CNN3: variants seen among roughly 807,000 people sequenced by gnomAD.
CNN3 encodes the protein calponin-3.
In CNN3, 11 loss-of-function variants were observed where a neutral mutation model predicts 39.0. That is an observed-to-expected ratio of 0.28 (90% CI 0.18 to 0.47). CNN3 has a LOEUF of 0.47. Ranked by LOEUF, CNN3 falls within the 20% of genes least tolerant of loss-of-function variation. The pLI, the probability that CNN3 is intolerant of heterozygous loss-of-function variation, is 0.99. For synonymous variants in CNN3, 101 were observed against 138.3 expected (o/e 0.73, Z 1.89); for missense variants, 266 against 403.4 (o/e 0.66, Z 2.92).
At chr1:94,913,373 C>T (rs1186135405) in intron 1 of CNN3, among the ~76,000 whole-genome samples, 1 of 152,190 alleles carries the variant, frequency 6.6e-6, no homozygotes, top group Non-Finnish European at 1.5e-5. Context: ...CTGGAGAAGT[C>T]AATTTGACAA....
At chr1:94,904,759 C>A (rs1282540815) in intron 1 of CNN3, among the ~76,000 whole-genome samples, 4 of 149,678 alleles carry the variant, frequency 2.7e-5, no homozygotes, top group African/African-American at 9.8e-5. Flanking sequence ...GCCCCACTGC[C>A]AAAAAAAAAC....
intron 1 of CNN3, among the ~76,000 whole-genome samples, chr1:94,909,358 G>T (rs1671098965): frequency 6.6e-6 from 1 of 152,144 alleles, no homozygotes; most frequent in Non-Finnish European, 1.5e-5. Flanking sequence ...TCTAGCAAGG[G>T]ATAGGAGGTA....
chr1:94,926,722 G>T lies in CNN3; in HGVS notation c.57+116C>A, dbSNP rs2101747639. On this transcript the variant is annotated intron_variant, in intron 1 of 6. Coordinates refer to ENST00000370206, the MANE Select transcript of CNN3 (RefSeq NM_001839.5). This position sits in a 1 kb window ranked among gnomAD's most constrained non-coding sequence, Gnocchi z 4.2. ...CAGAGACGCTCGCGCCGCCTCGACG[G>T]CCCCTCTCCAGGAAAACGGTGAGCC... The T allele has an allele frequency of 8.5e-7, 1 of 1,176,606 alleles. No homozygotes were observed. Among genetic ancestry groups the T allele is most frequent in the Non-Finnish European group, 1.2e-6 (1 of 815,152 alleles). 72.9% of individuals were successfully genotyped at this position (1,176,606 alleles called of 1,614,324 possible).
chr1:94,900,173 A>T (rs9432613), intron 5 of CNN3, among the ~76,000 whole-genome samples: 25,139 of 152,136 alleles, frequency 0.17, 2,445 homozygotes, highest in African/African-American at 0.27. Context: ...TCCACTGGTT[A>T]GGCACACTTT....
chr1:94,909,605 A>ACCC (rs906537282), intron 1 of CNN3, among the ~76,000 whole-genome samples: 2 of 151,980 alleles, frequency 1.3e-5, no homozygotes, highest in African/African-American at 4.8e-5. Context: ...CAGAAACACA[A>ACCC]CCCCGAGGGC....
intron 3 of CNN3, among the ~76,000 whole-genome samples, chr1:94,902,692 A>C (rs1362184670): frequency 6.6e-6 from 1 of 152,198 alleles, no homozygotes; most frequent in Non-Finnish European, 1.5e-5. Context: ...CACATGTTCA[A>C]GACCAGTAAG....
intron 1 of CNN3, among the ~76,000 whole-genome samples, chr1:94,911,764 G>A (rs543574125): frequency 2.0e-5 from 3 of 152,072 alleles, no homozygotes; most frequent in East Asian, 3.9e-4. Flanking sequence ...GGGAGACCCT[G>A]TCTCAAAAAA....
At chr1:94,924,845 G>A (rs997182522) in intron 1 of CNN3, among the ~76,000 whole-genome samples, 3 of 152,174 alleles carry the variant, frequency 2.0e-5, no homozygotes, top group Non-Finnish European at 4.4e-5. Flanking sequence ...GGACTGCTCT[G>A]CTGTTAAGAT....
chr1:94,919,354 T>C (rs1246121281), intron 1 of CNN3, among the ~76,000 whole-genome samples: 2 of 152,190 alleles, frequency 1.3e-5, no homozygotes, highest in African/African-American at 2.4e-5. Flanking sequence ...GTACATATAA[T>C]TTCTACACTC....
At chr1:94,920,806 A>T (rs1671422813) in intron 1 of CNN3, among the ~76,000 whole-genome samples, 1 of 152,186 alleles carries the variant, frequency 6.6e-6, no homozygotes, top group African/African-American at 2.4e-5. Flanking sequence ...TTTTTGTAAA[A>T]CTTAAAAGAT....
Position 94,926,183 on chromosome 1 carries a change from T to C in CNN3, c.57+655A>G, listed in dbSNP as rs965849348. 2.0e-5 allele frequency among the ~76,000 whole-genome samples: 3 copies of C among 152,162 alleles called. No homozygotes were observed. The highest frequency in any genetic ancestry group is 4.4e-5 in the Non-Finnish European group (3 of 68,020). ...AAAAAGTCTCAAGCCTAAGCAGATA[T>C]CACTCGCACAGTGGCGCGCTCAGGC... On this transcript the variant is annotated intron_variant, in intron 1 of 6. Transcript: ENST00000370206. This position sits in a 1 kb window ranked among gnomAD's most constrained non-coding sequence, Gnocchi z 4.2.
At position 94,926,211 on chromosome 1, in the gene CNN3, T is replaced by C. The variant is rs1671574989; in HGVS notation, c.57+627A>G. ...CTCGCACAGTGGCGCGCTCAGGCTT[T>C]GTCTCCATTTCCCGCAAAAGCAACA... On this transcript the variant is annotated intron_variant, in intron 1 of 6. Transcript: ENST00000370206. The surrounding 1 kb of genome is among the most constrained non-coding windows in gnomAD (Gnocchi z 4.2). Among the ~76,000 whole-genome samples, 1 of 152,276 alleles carries C rather than the reference T, an allele frequency of 6.6e-6. No homozygotes were observed.
chr1:94,920,304 G>T (rs1027737377), intron 1 of CNN3, among the ~76,000 whole-genome samples: 3 of 152,194 alleles, frequency 2.0e-5, no homozygotes, highest in Admixed American at 2.0e-4. Flanking sequence ...TCCTGACACA[G>T]AAATGAAACA....
rs1002423581 is a variant in CNN3, at chr1:94,897,552, C to T, written c.*190G>A. ...ATTATGCTGTAGGATTTAACTATTA[C>T]AGCACTAAAAGGCAACTATTGAGGG... On this transcript the variant is annotated 3_prime_UTR_variant, in exon 7 of 7. Transcript: ENST00000370206. 14 of 571,826 alleles carry T rather than the reference C, an allele frequency of 2.4e-5. No individual in the cohort carries two copies. In the Admixed American group the frequency reaches 3.7e-4, roughly 15 times the overall value. The allele number at this position is 571,826 out of a possible 1,614,324, so 35.4% of individuals were successfully genotyped here.
At chr1:94,900,166 A>C (rs1455388361) in intron 5 of CNN3, among the ~76,000 whole-genome samples, 1 of 152,230 alleles carries the variant, frequency 6.6e-6, no homozygotes, top group East Asian at 1.9e-4. Flanking sequence ...ACCCTGTTCC[A>C]CTGGTTAGGC....
chr1:94,913,855 TATC>T (rs1359319968), intron 1 of CNN3, among the ~76,000 whole-genome samples: 1 of 151,674 alleles, frequency 6.6e-6, no homozygotes, highest in Non-Finnish European at 1.5e-5. Context: ...CATGGAAAAA[TATC>T]ATGTTTTGAG....
intron 6 of CNN3, among the ~76,000 whole-genome samples, chr1:94,898,896 AT>A (rs1434833154): frequency 1.3e-5 from 2 of 152,106 alleles, no homozygotes; most frequent in Non-Finnish European, 2.9e-5. Flanking sequence ...CTGGTGATCT[AT>A]TTTTAACAAG....
rs1671605363 is a variant in CNN3 at position 94,927,002 on chromosome 1, C to A, written c.-108G>T. Reference sequence around the variant, plus strand: ...GGCCGCCGCGGGGGATGCTCGAACTCCCTCCTCTGGGAGGCGCAGGAGACG... The same window carrying A: ...GGCCGCCGCGGGGGATGCTCGAACTACCTCCTCTGGGAGGCGCAGGAGACG... On this transcript the variant is annotated 5_prime_UTR_variant, in exon 1 of 7. Coordinates refer to ENST00000370206, the MANE Select transcript of CNN3 (RefSeq NM_001839.5). 1 of 1,282,736 alleles carries A rather than the reference C, an allele frequency of 7.8e-7. No homozygotes were observed. The highest frequency in any genetic ancestry group is 1.4e-5 in the South Asian group (1 of 73,606). 79.5% of individuals were successfully genotyped at this position (1,282,736 alleles called of 1,614,324 possible).
chr1:94,901,566 A>C, intron 5 of CNN3, 103 bp downstream of exon 5: 10 of 705,992 alleles, frequency 1.4e-5, no homozygotes, highest in East Asian at 5.8e-5. Context: ...CCCCCCCAGT[A>C]CTATAGTACT....
Sources: allele counts gnomAD v4.1 joint callset (sites outside exome capture counted in the v4.1 genomes callset), GRCh38; gene constraint gnomAD v4.1.1; non-coding constraint Gnocchi (gnomAD v3.1); transcripts MANE v1.5; gene names NCBI Gene and HGNC (gene_info 2026-07-23, HGNC 2026-07-21).